LHFPL3: variants seen among roughly 807,000 people sequenced by gnomAD.
The protein encoded by LHFPL3 is LHFPL tetraspan subfamily member 3, also known as LHFPL tetraspan subfamily member 3 protein.
A neutral mutation model predicts 19.3 loss-of-function variants in LHFPL3; 5 were observed. That is an observed-to-expected ratio of 0.26 (90% confidence interval 0.14 to 0.54). The LOEUF (loss-of-function observed/expected upper bound fraction) is 0.54, where lower values mean the gene tolerates loss of function less well. Ranked by LOEUF, LHFPL3 falls within the 20% of genes least tolerant of loss-of-function variation. The pLI, the probability that LHFPL3 is intolerant of heterozygous loss-of-function variation, is 0.94. For synonymous variants in LHFPL3, 133 were observed against 126.2 expected, an observed-to-expected ratio of 1.05 and a Z score of -0.36; for missense variants, 249 against 307.4, an observed-to-expected ratio of 0.81 and a Z score of 1.42.
intron 1 of LHFPL3, among the ~76,000 whole-genome samples, chr7:104,369,396 C>A (rs919040148): frequency 1.3e-5 from 2 of 152,178 alleles, no homozygotes; most frequent in Admixed American, 1.3e-4. Context: ...TTGAATGTAT[C>A]CAAAGTTTGT....
intron 1 of LHFPL3, among the ~76,000 whole-genome samples, chr7:104,571,976 C>A (rs534892066): frequency 1.3e-5 from 2 of 152,302 alleles, no homozygotes; most frequent in South Asian, 4.1e-4. Flanking sequence ...AATCTTCCCC[C>A]TTTTCTCCCA....
intron 1 of LHFPL3, among the ~76,000 whole-genome samples, chr7:104,409,708 G>A (rs188118089): frequency 7.6e-4 from 116 of 152,236 alleles, no homozygotes; most frequent in Non-Finnish European, 1.4e-3. Flanking sequence ...TTTATTAAAA[G>A]CTATTTCATT....
At chr7:104,750,516 A>G (rs1554432877) in intron 2 of LHFPL3, among the ~76,000 whole-genome samples, 1 of 152,266 alleles carries the variant, frequency 6.6e-6, no homozygotes, top group Non-Finnish European at 1.5e-5. Flanking sequence ...TATAGTCTGA[A>G]TCAACCACAC....
At chr7:104,751,957 C>T (rs1290229643) in intron 2 of LHFPL3, among the ~76,000 whole-genome samples, 27 of 151,768 alleles carry the variant, frequency 1.8e-4, no homozygotes, top group South Asian at 6.3e-4. Flanking sequence ...GAGGGTATGG[C>T]GCCCTGCCCT....
chr7:104,765,641 A>G (rs1794444869), intron 2 of LHFPL3, among the ~76,000 whole-genome samples: 1 of 152,238 alleles, frequency 6.6e-6, no homozygotes, highest in Admixed American at 6.5e-5. Flanking sequence ...TTATACATGT[A>G]CAAAGTGCAA....
At chr7:104,532,533 T>A (rs777112401) in intron 1 of LHFPL3, among the ~76,000 whole-genome samples, 15 of 152,098 alleles carry the variant, frequency 9.9e-5, no homozygotes, top group Admixed American at 2.6e-4. Flanking sequence ...CATAGACTTC[T>A]CTTTCTTCTC....
chr7:104,735,725 G>A (rs892369263), intron 1 of LHFPL3, among the ~76,000 whole-genome samples: 1 of 152,194 alleles, frequency 6.6e-6, no homozygotes, highest in African/African-American at 2.4e-5. Flanking sequence ...CCCACTGTCT[G>A]ACAAGCCCCA....
intron 1 of LHFPL3, among the ~76,000 whole-genome samples, chr7:104,352,199 T>C (rs769635250): frequency 4.6e-5 from 7 of 151,850 alleles, no homozygotes; most frequent in Non-Finnish European, 7.4e-5. Flanking sequence ...TGAATCATTA[T>C]TCCCTTCTGT....
intron 2 of LHFPL3, among the ~76,000 whole-genome samples, chr7:104,787,621 G>A (rs1789944935): frequency 6.6e-6 from 1 of 152,188 alleles, no homozygotes; most frequent in Non-Finnish European, 1.5e-5. Context: ...CACAATCACA[G>A]TTCACTGCAG....
In LHFPL3 at chr7:104,329,375, A is replaced by C. The variant is rs1315751445; in HGVS notation, c.445+151A>C. ...GTCGAGGTGTGGGGGGCGGGAGCCC[A>C]GCGAGGCCGGAACCCCCGGGGTTCC... is the stretch of plus-strand genomic sequence containing the variant. On this transcript the variant is annotated intron_variant, in intron 1 of 2. Coordinates refer to ENST00000424859, the MANE Select transcript of LHFPL3 (RefSeq NM_199000.3). The C allele has an allele frequency of 2.1e-5, 22 of 1,050,968 alleles. No homozygotes were observed. In the East Asian group the frequency reaches 4.3e-4, roughly 20 times the overall value. 65.1% of individuals were successfully genotyped at this position (1,050,968 alleles called of 1,614,324 possible). A position where few individuals can be genotyped will look rare whatever the true frequency, so the allele number is the denominator to read the frequency against.
intron 1 of LHFPL3, among the ~76,000 whole-genome samples, chr7:104,629,977 A>C (rs147447593): frequency 1.3e-5 from 2 of 152,178 alleles, no homozygotes; most frequent in Non-Finnish European, 2.9e-5. Context: ...TTTGTCAAAA[A>C]TCACTGACAA....
chr7:104,702,716 C>T (rs1347033826), intron 1 of LHFPL3, among the ~76,000 whole-genome samples: 6 of 152,234 alleles, frequency 3.9e-5, no homozygotes, highest in Non-Finnish European at 8.8e-5. Flanking sequence ...GGGGCAATGG[C>T]TCCACATAGA....
At chr7:104,693,337 G>C (rs1792939415) in intron 1 of LHFPL3, among the ~76,000 whole-genome samples, 1 of 152,166 alleles carries the variant, frequency 6.6e-6, no homozygotes, top group South Asian at 2.1e-4. Context: ...GGGACTGTTG[G>C]GAAGGCATGA....
At chr7:104,556,490 C>T (rs897120815) in intron 1 of LHFPL3, among the ~76,000 whole-genome samples, 1 of 152,214 alleles carries the variant, frequency 6.6e-6, no homozygotes, top group African/African-American at 2.4e-5. Flanking sequence ...CCCTTTTAGT[C>T]ACTCACAGCT....
chr7:104,603,068 T>C (rs28696342), intron 1 of LHFPL3, among the ~76,000 whole-genome samples: 6,384 of 32,942 alleles, frequency 0.19, 212 homozygotes, highest in East Asian at 0.29. Flanking sequence ...TTCTTTCTTT[T>C]TCTTTCTTTC....
intron 1 of LHFPL3, among the ~76,000 whole-genome samples, chr7:104,725,772 C>T (rs992911622): frequency 1.3e-5 from 2 of 152,240 alleles, no homozygotes; most frequent in South Asian, 4.2e-4. Context: ...TTATTCTCGG[C>T]AGGGCGCGGT....
At chr7:104,733,903 G>T (rs936106659) in intron 1 of LHFPL3, among the ~76,000 whole-genome samples, 5 of 152,176 alleles carry the variant, frequency 3.3e-5, no homozygotes, top group South Asian at 2.1e-4. Flanking sequence ...AGGAGCTCTT[G>T]TAGGGCAGGC....
intron 1 of LHFPL3, among the ~76,000 whole-genome samples, chr7:104,642,697 A>G (rs927099447): frequency 6.6e-6 from 1 of 152,138 alleles, no homozygotes; most frequent in African/African-American, 2.4e-5. Flanking sequence ...GTTCCTTCCC[A>G]TAGCCTGGGC....
At position 104,573,648 on chromosome 7, in the gene LHFPL3, C is replaced by G. The variant is rs144070551; in HGVS notation, c.446-163027C>G. Among the ~76,000 whole-genome samples the G allele has an allele frequency of 2.6e-4, 39 of 152,330 alleles. No homozygotes were observed. In the East Asian group the frequency reaches 7.3e-3, roughly 29 times the overall value. On this transcript the variant is annotated intron_variant, in intron 1 of 2. Coordinates refer to ENST00000424859, the MANE Select transcript of LHFPL3 (RefSeq NM_199000.3). ...CATCAGTCGCTGCAATGGCTCTTTCCTCCTAACAGCCAGGGCCTGGGTAAA... is the reference window on the plus strand; with the variant it reads ...CATCAGTCGCTGCAATGGCTCTTTCGTCCTAACAGCCAGGGCCTGGGTAAA...
Sources: allele counts gnomAD v4.1 joint callset (sites outside exome capture counted in the v4.1 genomes callset), GRCh38; gene constraint gnomAD v4.1.1; transcripts MANE v1.5; gene names NCBI Gene and HGNC (gene_info 2026-07-23, HGNC 2026-07-21).